ST7: variants seen among roughly 807,000 people sequenced by gnomAD.
ST7 encodes the protein suppression of tumorigenicity 7.
A neutral mutation model predicts 78.7 loss-of-function variants in ST7; 28 were observed. The observed-to-expected ratio is 0.36, with a 90% CI of 0.26 to 0.49. ST7 has a LOEUF of 0.49. Among genes scored for constraint, ST7 ranks in the 20% least tolerant of loss-of-function variants. The pLI is 0.99. For missense variants in ST7, 418 were observed against 696.0 expected (o/e 0.60, Z 4.49); for synonymous variants, 247 against 249.6 (o/e 0.99, Z 0.10).
At chr7:117,159,285 A>G (rs1056200322) in intron 9 of ST7, among the ~76,000 whole-genome samples, 1 of 152,176 alleles carries the variant, frequency 6.6e-6, no homozygotes, top group Non-Finnish European at 1.5e-5. Flanking sequence ...TCTTCCATTG[A>G]AATAAACTTG....
Position 117,202,122 on chromosome 7 carries a change from G to A in ST7, c.1255-7665G>A, listed in dbSNP as rs1459449544. On this transcript the variant is annotated intron_variant, in intron 12 of 15. Coordinates refer to ENST00000323984, the MANE Select transcript of ST7 (RefSeq NM_001369598.1). ...ACTACAGGCGCCCGCCACTAAGCCC[G>A]GCTAATTTTTTTTGTATTTTTAGTA... is the stretch of plus-strand genomic sequence containing the variant. Among the ~76,000 whole-genome samples the A allele has an allele frequency of 2.5e-5, 2 of 80,644 alleles. 1 individual carries two copies. Among genetic ancestry groups the A allele is most frequent in the Non-Finnish European group, 5.4e-5 (2 of 37,198 alleles). The allele number at this position is 80,644 out of a possible 152,430, so 52.9% of individuals were successfully genotyped here.
chr7:116,985,052 T>C (rs1360608008), intron 1 of ST7, among the ~76,000 whole-genome samples: 1 of 152,212 alleles, frequency 6.6e-6, no homozygotes, highest in Non-Finnish European at 1.5e-5. Context: ...GGCTCTCCTA[T>C]ATAAAGTTAC....
intron 1 of ST7, among the ~76,000 whole-genome samples, chr7:117,013,376 A>C (rs1223910401): frequency 6.6e-6 from 1 of 152,236 alleles, no homozygotes; most frequent in African/African-American, 2.4e-5. Context: ...AGGCCTAATA[A>C]ATGAGATAGG....
intron 12 of ST7, among the ~76,000 whole-genome samples, chr7:117,208,870 T>TTGG (rs1007469611): frequency 6.7e-6 from 1 of 150,368 alleles, no homozygotes; most frequent in East Asian, 2.0e-4. Flanking sequence ...ATGTTTGTCT[T>TTGG]TGGTGGTGGT....
chr7:117,170,339 AC>A (rs1807892896), intron 9 of ST7, among the ~76,000 whole-genome samples: 1 of 152,212 alleles, frequency 6.6e-6, no homozygotes, highest in Non-Finnish European at 1.5e-5. Flanking sequence ...AACTCTTATA[AC>A]CCAATATTAA....
intron 1 of ST7, chr7:116,967,215 G>A: frequency 2.2e-6 from 1 of 451,686 alleles, no homozygotes; most frequent in South Asian, 1.6e-5. Context: ...AGGCTATATT[G>A]GTATGAATAG....
At chr7:117,003,016 T>G (rs13227464) in intron 1 of ST7, among the ~76,000 whole-genome samples, 149,119 of 151,646 alleles carry the variant, frequency 0.98, 73,373 homozygotes, top group East Asian at 1. Flanking sequence ...TAGAGACAGG[T>G]TTTCACCATG....
chr7:116,953,624 CT>C lies in ST7; in HGVS notation c.86del (p.Phe29SerfsTer14). 1 of 1,512,330 alleles carries C rather than the reference CT, an allele frequency of 6.6e-7. No individual in the cohort carries two copies. Among genetic ancestry groups the C allele is most frequent in the Non-Finnish European group, 8.9e-7 (1 of 1,118,474 alleles). 93.7% of individuals were successfully genotyped at this position (1,512,330 alleles called of 1,614,324 possible). A position where few individuals can be genotyped will look rare whatever the true frequency, so the allele number is the denominator to read the frequency against. ...GGACGTATCTGTGGACCGTGTGGTT[CT>C]TCATCGTGCTATTCCTGGTCTACAT... The part of the protein sequence containing the change: ...SWTYLWTVWF[F>X]IVLFLVYILR... On this transcript the variant is annotated frameshift_variant, in exon 1 of 16. Transcript: ENST00000323984. LOFTEE classifies it high-confidence loss of function.
intron 1 of ST7, among the ~76,000 whole-genome samples, chr7:117,016,282 C>G (rs1795611373): frequency 6.6e-6 from 1 of 151,984 alleles, no homozygotes; most frequent in Admixed American, 6.6e-5. Context: ...ATGCACCCAC[C>G]TTTTTAGAAG....
intron 10 of ST7, among the ~76,000 whole-genome samples, chr7:117,188,351 G>T (rs1809453769): frequency 6.6e-6 from 1 of 152,184 alleles, no homozygotes; most frequent in African/African-American, 2.4e-5. Context: ...AACCTAGAAT[G>T]AATTTTGCAG....
chr7:116,972,948 GCCT>G lies in ST7; in HGVS notation c.151+19262_151+19264del, dbSNP rs1793508655. ...AGCTACTGCTCGCACTCCGATTCCTGCCTCCTCTGCTTGGTGTTGCAGCCTCCT... is the reference window on the plus strand; with the variant it reads ...AGCTACTGCTCGCACTCCGATTCCTGCCTCTGCTTGGTGTTGCAGCCTCCT... On this transcript the variant is annotated intron_variant, in intron 1 of 15. Coordinates refer to ENST00000323984, the MANE Select transcript of ST7 (RefSeq NM_001369598.1). The G allele has an allele frequency of 2.6e-6, 3 of 1,151,958 alleles. No homozygotes were observed. In the East Asian group the frequency reaches 7.2e-5, roughly 28 times the overall value. The allele number at this position is 1,151,958 out of a possible 1,614,324, so 71.4% of individuals were successfully genotyped here.
chr7:117,178,773 C>A (rs1808525781), intron 10 of ST7, among the ~76,000 whole-genome samples: 1 of 152,106 alleles, frequency 6.6e-6, no homozygotes, highest in South Asian at 2.1e-4. Flanking sequence ...AAGTTTTGCA[C>A]CATAAGTTTT....
intron 1 of ST7, among the ~76,000 whole-genome samples, chr7:117,040,681 G>T (rs1002273062): frequency 6.6e-6 from 1 of 152,202 alleles, no homozygotes; most frequent in African/African-American, 2.4e-5. Flanking sequence ...GGGTCTAGTT[G>T]TACTTGTTGG....
chr7:117,210,070 C>A, intron 13 of ST7, 133 bp downstream of exon 13: 1 of 1,067,708 alleles, frequency 9.4e-7, no homozygotes, highest in Non-Finnish European at 1.3e-6. Flanking sequence ...CCATCTAAGC[C>A]AGTTAGTGAC....
At chr7:116,975,490 C>T (rs1368185715) in intron 1 of ST7, among the ~76,000 whole-genome samples, 3 of 152,088 alleles carry the variant, frequency 2.0e-5, no homozygotes, top group Non-Finnish European at 4.4e-5. Context: ...TCACTGCAGC[C>T]TCCACCTCCC....
rs1297834827 is a variant in ST7, at chr7:116,954,948, T to C, written c.151+1257T>C. ...TATTTTGATTACTAACTTGAACTCA[T>C]GTTCATATTTACATTTGTTTTGTAG... On this transcript the variant is annotated intron_variant, in intron 1 of 15. Transcript: ENST00000323984. The C allele has an allele frequency of 9.4e-5, 29 of 309,700 alleles. No individual in the cohort carries two copies. The Admixed American group carries it at 1.3e-3, about 14-fold the overall frequency. 19.2% of individuals were successfully genotyped at this position (309,700 alleles called of 1,614,324 possible).
intron 1 of ST7, among the ~76,000 whole-genome samples, chr7:117,097,902 ATATATATTTTTTT>A (rs1801215450): frequency 3.2e-5 from 1 of 31,290 alleles, no homozygotes; most frequent in African/African-American, 1.2e-4. Flanking sequence ...ATATATATAT[ATATATATTTTTTT>A]TTTTTTTTTT....
intron 5 of ST7, 43 bp from the exon 6 acceptor site, chr7:117,131,842 A>G: frequency 6.6e-7 from 1 of 1,522,302 alleles, no homozygotes; most frequent in Non-Finnish European, 9.1e-7. Context: ...CTACCTAATT[A>G]TATGTATGGA....
intron 1 of ST7, among the ~76,000 whole-genome samples, chr7:117,087,231 G>C (rs1226710272): frequency 6.6e-6 from 1 of 152,166 alleles, no homozygotes; most frequent in African/African-American, 2.4e-5. Context: ...TTTTCAGTTA[G>C]TAGAGGGTTT....
Sources: allele counts gnomAD v4.1 joint callset (sites outside exome capture counted in the v4.1 genomes callset), GRCh38; gene constraint gnomAD v4.1.1; transcripts MANE v1.5; gene names NCBI Gene and HGNC (gene_info 2026-07-23, HGNC 2026-07-21).